PLAA: variants seen among roughly 807,000 people sequenced by gnomAD.
PLAA encodes the protein phospholipase A-2-activating protein.
In PLAA, 48 loss-of-function variants were observed where a neutral mutation model predicts 84.1. The observed-to-expected ratio is 0.57, with a 90% CI of 0.45 to 0.73. The LOEUF (loss-of-function observed/expected upper bound fraction) is 0.73, where lower values mean the gene tolerates loss of function less well. Ranked by LOEUF, PLAA falls within the 30% of genes least tolerant of loss-of-function variation. PLAA has a pLI of 0.00. For missense variants in PLAA, 903 were observed against 954.7 expected, an observed-to-expected ratio of 0.95 and a Z score of 0.71; for synonymous variants, 392 against 336.6, an observed-to-expected ratio of 1.16 and a Z score of -1.80.
chr9:26,937,316 T>C lies in PLAA; in HGVS notation c.150-2110A>G, dbSNP rs1825391150. Among the ~76,000 whole-genome samples the C allele has an allele frequency of 2.0e-5, 3 of 152,104 alleles. No individual in the cohort carries two copies. The South Asian group carries it at 6.2e-4, about 32-fold the overall frequency. The stretch of plus-strand genomic sequence containing the variant: ...CAGGCTCAGAAAAGACTGAGAAGAC[T>C]AAGTTTACATCTTAGCCCGATATTT... On this transcript the variant is annotated intron_variant, in intron 1 of 13. Transcript: ENST00000397292.
At chr9:26,927,099 T>A (rs2131395018) in intron 4 of PLAA, among the ~76,000 whole-genome samples, 1 of 151,092 alleles carries the variant, frequency 6.6e-6, no homozygotes, top group South Asian at 2.1e-4. Context: ...TCATCCACTT[T>A]CCATCAAAAG....
intron 2 of PLAA, among the ~76,000 whole-genome samples, chr9:26,929,308 T>C (rs918128606): frequency 2.6e-5 from 4 of 152,084 alleles, no homozygotes; most frequent in East Asian, 3.9e-4. Flanking sequence ...TGGGGCAATA[T>C]AGTGAGACTC....
chr9:26,934,475 C>CTTTTT (rs67138338), intron 2 of PLAA, among the ~76,000 whole-genome samples: 42 of 93,326 alleles, frequency 4.5e-4, no homozygotes, highest in African/African-American at 1.0e-3. Context: ...GAACACTTTA[C>CTTTTT]TTTTTTTTTT....
intron 1 of PLAA, among the ~76,000 whole-genome samples, chr9:26,945,384 T>G (rs1191358145): frequency 6.6e-6 from 1 of 152,210 alleles, no homozygotes; most frequent in Non-Finnish European, 1.5e-5. Flanking sequence ...AGGCAAAAAC[T>G]TAATAACTGT....
At chr9:26,931,555 C>T (rs1286918158) in intron 2 of PLAA, among the ~76,000 whole-genome samples, 2 of 152,128 alleles carry the variant, frequency 1.3e-5, no homozygotes, top group African/African-American at 4.8e-5. Context: ...ACCACCTATA[C>T]TGTTGCCAAA....
At chr9:26,925,691 T>G (rs1416631616) in intron 6 of PLAA, 134 bp downstream of exon 6, 2 of 679,730 alleles carry the variant, frequency 2.9e-6, no homozygotes. Flanking sequence ...CTACTACTGT[T>G]TTGTTTAGTA....
intron 7 of PLAA, among the ~76,000 whole-genome samples, chr9:26,922,195 GT>G (rs1437601084): frequency 6.6e-6 from 1 of 151,794 alleles, no homozygotes; most frequent in Non-Finnish European, 1.5e-5. Flanking sequence ...TTAAAAAGAT[GT>G]GTCAAAATGT....
chr9:26,905,479 C>A lies in PLAA; in HGVS notation c.*32G>T. On this transcript the variant is annotated 3_prime_UTR_variant, in exon 14 of 14. Coordinates refer to ENST00000397292, the MANE Select transcript of PLAA (RefSeq NM_001031689.3). Reference sequence around the variant, plus strand: ...CAAATGTGAGGAAAAAAACACTAATCAATTAAAAATATCCGTCCCTCTTCC... The same window carrying A: ...CAAATGTGAGGAAAAAAACACTAATAAATTAAAAATATCCGTCCCTCTTCC... The A allele has an allele frequency of 7.0e-7, 1 of 1,436,216 alleles. No homozygotes were observed. The highest frequency in any genetic ancestry group is 1.3e-5 in the South Asian group (1 of 77,162). The allele number at this position is 1,436,216 out of a possible 1,614,324, so 89.0% of individuals were successfully genotyped here. A position where few individuals can be genotyped will look rare whatever the true frequency, so the allele number is the denominator to read the frequency against.
chr9:26,919,579 A>G, intron 8 of PLAA, 50 bp from the exon 9 acceptor site: 2 of 974,182 alleles, frequency 2.1e-6, no homozygotes, highest in South Asian at 1.4e-5. Flanking sequence ...CTGTTCACAT[A>G]TATTAATGAC....
At chr9:26,910,508 G>A in intron 11 of PLAA, 69 bp from the exon 12 acceptor site, 3 of 1,202,040 alleles carry the variant, frequency 2.5e-6, no homozygotes, top group Non-Finnish European at 3.6e-6. Context: ...CTAACTATAT[G>A]ACTTAGTTTT....
chr9:26,906,893 TA>T (rs1199929256), intron 13 of PLAA, among the ~76,000 whole-genome samples: 1 of 151,522 alleles, frequency 6.6e-6, no homozygotes, highest in Admixed American at 6.6e-5. Flanking sequence ...CTCCGTAATG[TA>T]AAAGTAGTAT....
intron 11 of PLAA, among the ~76,000 whole-genome samples, chr9:26,911,410 C>T (rs1474471954): frequency 6.6e-6 from 1 of 152,066 alleles, no homozygotes; most frequent in African/African-American, 2.4e-5. Flanking sequence ...CTTGGCCTCC[C>T]AAAGTGCTGG....
rs760925441 is a variant in PLAA, at chr9:26,923,175, T to TA, written c.1039+2dup. On this transcript the variant is annotated splice_region_variant and intron_variant, in intron 7 of 13. Transcript: ENST00000397292. Reference sequence around the variant, plus strand: ...TTTCTACTAGGTACAATAAAATACTTACCAGGTTCATTAAGATGTTCCCTC... The same window carrying TA: ...TTTCTACTAGGTACAATAAAATACTTAACCAGGTTCATTAAGATGTTCCCTC... The TA allele has an allele frequency of 3.2e-6, 5 of 1,582,980 alleles. No homozygotes were observed. The East Asian group carries it at 9.0e-5, about 29-fold the overall frequency.
chr9:26,926,544 TAC>T lies in PLAA; in HGVS notation c.580_581del (p.Val194LysfsTer8). The T allele has an allele frequency of 1.2e-6, 2 of 1,613,230 alleles. No individual in the cohort carries two copies. Among genetic ancestry groups the T allele is most frequent in the East Asian group, 2.2e-5 (1 of 44,766 alleles). On this transcript the variant is annotated frameshift_variant, in exon 5 of 14. Coordinates refer to ENST00000397292, the MANE Select transcript of PLAA (RefSeq NM_001031689.3). LOFTEE classifies it high-confidence loss of function. The stretch of plus-strand genomic sequence containing the variant: ...TTTCACTCAAAATTGCCAAACCTCT[TAC>T]ACAGTCTTCATGCCCTGCATTAAAA... ...ERTFSGHEDC[V>X]RGLAILSETE... is the part of the protein sequence containing the mutation.
At chr9:26,944,710 C>G (rs568454448) in intron 1 of PLAA, among the ~76,000 whole-genome samples, 1 of 152,240 alleles carries the variant, frequency 6.6e-6, no homozygotes. Flanking sequence ...ACCTAACCAG[C>G]AGGATATGAG....
In PLAA at chr9:26,926,431, T is replaced by C. The variant is rs1419160782; in HGVS notation, c.695A>G (p.Asn232Ser). 1 of 1,609,198 alleles carries C rather than the reference T, an allele frequency of 6.2e-7. No homozygotes were observed. The highest frequency in any genetic ancestry group is 1.3e-5 in the African/African-American group (1 of 74,960). The change falls in exon 5 of 14, where the codon AAT becomes AGT. Residue 232 changes from asparagine to serine, a missense_variant. Transcript: ENST00000397292. ...ECLEVYYGHT[N>S]YIYSISVFPN... ...AAAAACGGATATGCTATAAATATAA[T>C]TTGTATGTCCATAATATACTTCAAG...
At chr9:26,906,288 T>C (rs924759416) in intron 13 of PLAA, among the ~76,000 whole-genome samples, 1 of 152,274 alleles carries the variant, frequency 6.6e-6, no homozygotes, top group South Asian at 2.1e-4. Context: ...TGTAAGATCA[T>C]ATTCGCTTTA....
At chr9:26,922,394 A>C (rs1824797677) in intron 7 of PLAA, among the ~76,000 whole-genome samples, 2 of 151,936 alleles carry the variant, frequency 1.3e-5, no homozygotes, top group Admixed American at 6.6e-5. Flanking sequence ...GGTTTTACCC[A>C]CCATTGTTTT....
At chr9:26,914,717 A>C (rs930561949) in intron 10 of PLAA, among the ~76,000 whole-genome samples, 21 of 149,522 alleles carry the variant, frequency 1.4e-4, no homozygotes, top group Admixed American at 1.1e-3. Context: ...ATTATAATTC[A>C]CAATATTTTA....
Sources: allele counts gnomAD v4.1 joint callset (sites outside exome capture counted in the v4.1 genomes callset), GRCh38; gene constraint gnomAD v4.1.1; transcripts MANE v1.5; gene names NCBI Gene and HGNC (gene_info 2026-07-23, HGNC 2026-07-21).